Variants in MISP observed in about 807,000 individuals in gnomAD.
MISP encodes mitotic interactor and substrate of PLK1.
Under a neutral mutation model 49.3 loss-of-function variants are expected in MISP, and 51 were observed. That is an observed-to-expected ratio of 1.03 (90% CI 0.83 to 1.31). MISP has a LOEUF of 1.31. Among genes scored for constraint, MISP ranks in the 50% most tolerant of loss-of-function variants. MISP has a pLI of 0.00. For synonymous variants in MISP, 444 were observed against 392.6 expected (o/e 1.13, Z -1.55); for missense variants, 1,084 against 935.1 (o/e 1.16, Z -2.08).
rs1320526329 is a variant in MISP, at chr19:757,566, A to C, written c.620A>C (p.Asn207Thr). 1 of 1,612,926 alleles carries C rather than the reference A, an allele frequency of 6.2e-7. No individual in the cohort carries two copies. Among genetic ancestry groups the C allele is most frequent in the Non-Finnish European group, 8.5e-7 (1 of 1,179,684 alleles). ...CAGTTCCTGAGTCTGGAGCAGGCGA[A>C]CAAGGGGGCCCCTCATAGCTCCCCG... ...RQQFLSLEQA[N>T]KGAPHSSPAR... The change falls in exon 2 of 5, where the codon AAC becomes ACC. Residue 207 changes from asparagine (N) to threonine (T), a missense_variant. Physicochemically the swap from Asn to Thr is moderately conservative, Grantham distance 65. Coordinates refer to ENST00000215582, the MANE Select transcript of MISP (RefSeq NM_173481.4).
chr19:757,868 C>A lies in MISP; in HGVS notation c.922C>A (p.Arg308=), dbSNP rs201898919. The change falls in exon 2 of 5, where the codon CGA becomes AGA. Residue 308 remains arginine, a synonymous_variant. Coordinates refer to ENST00000215582, the MANE Select transcript of MISP (RefSeq NM_173481.4). ...GGCTCAGGAGCGTGAGGCAGACCTG[C>A]GAGAGCAGAGGGGGCTTCGGCAGGC... ...RLAQEREADL[R]EQRGLRQATD... The A allele has an allele frequency of 3.1e-6, 5 of 1,609,906 alleles. No homozygotes were observed. The highest frequency in any genetic ancestry group is 1.1e-5 in the South Asian group (1 of 91,036).
intron 1 of MISP, among the ~76,000 whole-genome samples, chr19:755,729 C>T (rs980410888): frequency 6.6e-6 from 1 of 152,024 alleles, no homozygotes; most frequent in Non-Finnish European, 1.5e-5. Context: ...CTCAGGAGTT[C>T]GAGACCAACC....
In MISP at chr19:757,400, G is replaced by A. The variant is rs776972496; in HGVS notation, c.454G>A (p.Val152Ile). The A allele has an allele frequency of 5.0e-6, 8 of 1,607,774 alleles. No homozygotes were observed. In the Admixed American group the frequency reaches 1.0e-4, roughly 21 times the overall value. ...ERWAVIQGQAVRKSSTVATLQ... is the reference protein window; with the variant it reads ...ERWAVIQGQAIRKSSTVATLQ... ...CTGGGCCGTCATCCAGGGCCAGGCAGTCAGGAAGAGCAGCACCGTGGCCAC... is the reference window on the plus strand; with the variant it reads ...CTGGGCCGTCATCCAGGGCCAGGCAATCAGGAAGAGCAGCACCGTGGCCAC... The change falls in exon 2 of 5, where the codon GTC becomes ATC. Residue 152 changes from valine to isoleucine, a missense_variant. Physicochemically the swap from Val to Ile is conservative, Grantham distance 29. Transcript: ENST00000215582.
At position 757,434 on chromosome 19, in the gene MISP, G is replaced by T; in HGVS notation, c.488G>T (p.Gly163Val). 6.3e-7 allele frequency: 1 copy of T among 1,595,980 alleles called. No homozygotes were observed. Among genetic ancestry groups the T allele is most frequent in the South Asian group, 1.1e-5 (1 of 88,946 alleles). ...AGCAGCACCGTGGCCACGCTCCAGG[G>T]CACTCCTGACCACGGAGACCCCAGG... ...RKSSTVATLQGTPDHGDPRTP... is the reference protein window; with the variant it reads ...RKSSTVATLQVTPDHGDPRTP... Residue 163 changes from glycine (G) to valine (V), a missense_variant, in exon 2 of 5, where the codon GGC (glycine) becomes GTC (valine). Coordinates refer to ENST00000215582, the MANE Select transcript of MISP (RefSeq NM_173481.4).
rs747279299 is a variant in MISP at position 758,233 on chromosome 19, G to C, written c.1287G>C (p.Leu429=). The change falls in exon 2 of 5, where the codon CTG becomes CTC. Residue 429 remains leucine (L), a synonymous_variant. Coordinates refer to ENST00000215582, the MANE Select transcript of MISP (RefSeq NM_173481.4). ...RIPPDAYQPY[L]SPGTPQLEFS... Reference sequence around the variant, plus strand: ...CACCTGATGCCTACCAGCCGTACCTGAGCCCCGGGACCCCCCAGCTAGAAT... The same window carrying C: ...CACCTGATGCCTACCAGCCGTACCTCAGCCCCGGGACCCCCCAGCTAGAAT... The C allele has an allele frequency of 1.2e-6, 2 of 1,613,276 alleles. No homozygotes were observed. The highest frequency in any genetic ancestry group is 2.2e-5 in the South Asian group (2 of 91,060).
In MISP at chr19:757,182, C is replaced by A. The variant is rs768092545; in HGVS notation, c.236C>A (p.Pro79Gln). ...CATGCCTACACTGGCCAGCCGTCCC[C>A]ACGGGGGCTCCACTCGGAGAACAGG... Reference protein sequence around the residue: ...SVHAYTGQPSPRGLHSENRED... With the variant: ...SVHAYTGQPSQRGLHSENRED... Residue 79 changes from proline (P) to glutamine (Q), a missense_variant, in exon 2 of 5, where the codon CCA (proline) becomes CAA (glutamine). Transcript: ENST00000215582. The A allele has an allele frequency of 9.9e-6, 16 of 1,613,420 alleles. No individual in the cohort carries two copies. In the Admixed American group the frequency reaches 2.5e-4, roughly 25 times the overall value.
chr19:759,127 G>A (rs1011450303), intron 2 of MISP, among the ~76,000 whole-genome samples: 4 of 151,208 alleles, frequency 2.6e-5, no homozygotes, highest in East Asian at 2.0e-4. Context: ...GGGTTCAAGC[G>A]ATTCTCCTGC....
At chr19:762,652 TA>T (rs1487580554) in intron 4 of MISP, among the ~76,000 whole-genome samples, 1 of 151,820 alleles carries the variant, frequency 6.6e-6, no homozygotes, top group Non-Finnish European at 1.5e-5. Flanking sequence ...TTTTTATTTT[TA>T]TTTTTTTTTA....
At chr19:762,234 G>A (rs1185317036) in intron 4 of MISP, among the ~76,000 whole-genome samples, 2 of 146,674 alleles carry the variant, frequency 1.4e-5, no homozygotes, top group Admixed American at 6.9e-5. Context: ...TTACAGGCGC[G>A]AGCCACCGCG....
rs746732155 is a variant in MISP, at chr19:757,842, T to C, written c.896T>C (p.Leu299Pro). 7 of 1,611,754 alleles carry C rather than the reference T, an allele frequency of 4.3e-6. No individual in the cohort carries two copies. The highest frequency in any genetic ancestry group is 1.1e-5 in the South Asian group (1 of 91,018). ...KETPIEREIR[L>P]AQEREADLRE... is the part of the protein sequence containing the mutation. ...ACGCCCATCGAGCGGGAGATCCGTC[T>C]GGCTCAGGAGCGTGAGGCAGACCTG... is the stretch of plus-strand genomic sequence containing the variant. The change falls in exon 2 of 5, where the codon CTG becomes CCG. Residue 299 changes from leucine (L) to proline (P), a missense_variant. Coordinates refer to ENST00000215582, the MANE Select transcript of MISP (RefSeq NM_173481.4).
At chr19:748,855 G>A (rs184090166), upstream of MISP, among the ~76,000 whole-genome samples, 167 of 152,300 alleles carry the variant, frequency 1.1e-3, no homozygotes, top group Middle Eastern at 3.4e-3. Context: ...ATAAGCCTTC[G>A]TGGCCGGGCA....
rs560138711 is a variant in MISP at position 760,388 on chromosome 19, C to T, written c.1911+349C>T. 8.2e-5 allele frequency: 14 copies of T among 170,388 alleles called. No individual in the cohort carries two copies. In the East Asian group the frequency reaches 1.3e-3, roughly 16 times the overall value. The allele number at this position is 170,388 out of a possible 1,614,324, so 10.6% of individuals were successfully genotyped here. On this transcript the variant is annotated intron_variant, in intron 3 of 4. Coordinates refer to ENST00000215582, the MANE Select transcript of MISP (RefSeq NM_173481.4). ...TCTTTTTTTTTTTTTTTTTTTGAGA[C>T]GGAGTCTCACTCTGTCGCCCAGGCT...
At chr19:759,884 T>G in intron 2 of MISP, 25 bp from the exon 3 acceptor site, 1 of 1,613,434 alleles carries the variant, frequency 6.2e-7, no homozygotes, top group Non-Finnish European at 8.5e-7. Flanking sequence ...TGTTCTAATG[T>G]TCTGCCCTCC....
At position 758,386 on chromosome 19, in the gene MISP, A is replaced by G; in HGVS notation, c.1440A>G (p.Thr480=). The G allele has an allele frequency of 1.9e-6, 3 of 1,614,198 alleles. No individual in the cohort carries two copies. The highest frequency in any genetic ancestry group is 2.5e-6 in the Non-Finnish European group (3 of 1,180,032). The change falls in exon 2 of 5, where the codon ACA becomes ACG. Residue 480 remains threonine, a synonymous_variant. Transcript: ENST00000215582. ...AATCCTCTGGAAAACCCCTGAGCAC[A>G]AAGCAAGAGGCATCGAAGCCCCCTC... The part of the protein sequence containing the change: ...LSESSGKPLS[T]KQEASKPPRG...
In MISP at chr19:758,278, C is replaced by G; in HGVS notation, c.1332C>G (p.Phe444Leu). The change falls in exon 2 of 5, where the codon TTC (phenylalanine) becomes TTG (leucine). Residue 444 changes from phenylalanine (F) to leucine (L), a missense_variant. Physicochemically the swap from Phe to Leu is conservative, Grantham distance 22. Transcript: ENST00000215582. Reference protein sequence around the residue: ...PQLEFSAFGAFGKPSSLSTAE... With the variant: ...PQLEFSAFGALGKPSSLSTAE... ...TAGAATTCTCAGCCTTCGGAGCATTCGGCAAGCCCAGCAGTCTCTCCACAG... is the reference window on the plus strand; with the variant it reads ...TAGAATTCTCAGCCTTCGGAGCATTGGGCAAGCCCAGCAGTCTCTCCACAG... 13 of 1,613,878 alleles carry G rather than the reference C, an allele frequency of 8.1e-6. No individual in the cohort carries two copies. Among genetic ancestry groups the G allele is most frequent in the Non-Finnish European group, 1.1e-5 (13 of 1,180,016 alleles).
At chr19:763,105 A>G (rs1050032153) in intron 4 of MISP, among the ~76,000 whole-genome samples, 1 of 152,122 alleles carries the variant, frequency 6.6e-6, no homozygotes, top group Non-Finnish European at 1.5e-5. Flanking sequence ...GTGAAACCCC[A>G]TCTCTACTAA....
intron 1 of MISP, among the ~76,000 whole-genome samples, chr19:751,741 C>T (rs1466556873): frequency 6.6e-6 from 1 of 152,142 alleles, no homozygotes; most frequent in Non-Finnish European, 1.5e-5. Flanking sequence ...GGATCCCGGG[C>T]AGCCAGCAGG....
chr19:763,627 G>A lies in MISP; in HGVS notation c.*37G>A, dbSNP rs374354080. On this transcript the variant is annotated 3_prime_UTR_variant, in exon 5 of 5. Coordinates refer to ENST00000215582, the MANE Select transcript of MISP (RefSeq NM_173481.4). ...GGGCGCCCACCCCCTGCCCTGCCCT[G>A]ACCCTCGTGGGAACTGCCAAGACCA... The A allele has an allele frequency of 1.3e-6, 2 of 1,498,176 alleles. No individual in the cohort carries two copies. The highest frequency in any genetic ancestry group is 4.6e-5 in the East Asian group (2 of 43,894). The allele number at this position is 1,498,176 out of a possible 1,614,324, so 92.8% of individuals were successfully genotyped here.
chr19:749,521 C>T (rs2033426838), upstream of MISP, among the ~76,000 whole-genome samples: 1 of 152,182 alleles, frequency 6.6e-6, no homozygotes, highest in African/African-American at 2.4e-5. Flanking sequence ...GCCCTTTATC[C>T]AGATTTGTCC....
Sources: gnomAD v4.1 joint callset for allele counts (sites outside exome capture counted in the v4.1 genomes callset) on GRCh38, gnomAD v4.1.1 for gene constraint, MANE v1.5 for transcripts, NCBI Gene and HGNC (gene_info 2026-07-23, HGNC 2026-07-21) for gene names.